EBF2: variants seen among roughly 807,000 people sequenced by gnomAD.
The protein encoded by EBF2 is EBF transcription factor 2.
A neutral mutation model predicts 72.8 loss-of-function variants in EBF2; 21 were observed. The ratio of observed to expected loss-of-function variants is 0.29; its 90% CI spans 0.20 to 0.42. EBF2 has a LOEUF of 0.42. EBF2 is among the 10% of genes least tolerant of loss of function. The pLI is 1.00. For missense variants in EBF2, 637 were observed against 731.2 expected (o/e 0.87, Z 1.49); for synonymous variants, 299 against 274.2 (o/e 1.09, Z -0.89).
Position 26,016,803 on chromosome 8 carries a change from A to C in EBF2, c.551+16282T>G, listed in dbSNP as rs764024624. ...AAATAAACTGTCTCCTGAGTAATAA[A>C]GTCAAGACACTTGCCAGTAAAAATT... On this transcript the variant is annotated intron_variant, in intron 6 of 15. Transcript: ENST00000520164. Among the ~76,000 whole-genome samples, 18 of 152,204 alleles carry C rather than the reference A, an allele frequency of 1.2e-4. 1 individual carries two copies. Among genetic ancestry groups the C allele is most frequent in the Non-Finnish European group, 1.3e-4 (9 of 68,048 alleles).
chr8:25,925,322 A>C (rs1035056559), intron 6 of EBF2, among the ~76,000 whole-genome samples: 11 of 152,198 alleles, frequency 7.2e-5, no homozygotes, highest in Admixed American at 7.2e-4. Flanking sequence ...AGGAGCTGAG[A>C]GGGGTCATCA....
intron 10 of EBF2, among the ~76,000 whole-genome samples, chr8:25,873,118 G>A (rs891029875): frequency 6.6e-6 from 1 of 152,104 alleles, no homozygotes; most frequent in African/African-American, 2.4e-5. Flanking sequence ...CAAAGGCTAC[G>A]TTAAATTCAC....
At chr8:25,904,342 G>A (rs951129485) in intron 7 of EBF2, among the ~76,000 whole-genome samples, 1 of 151,690 alleles carries the variant, frequency 6.6e-6, no homozygotes, top group Admixed American at 6.6e-5. Flanking sequence ...ATTAAAGAGA[G>A]GATTGGTTCA....
At chr8:25,928,408 C>T (rs182212417) in intron 6 of EBF2, among the ~76,000 whole-genome samples, 101 of 152,184 alleles carry the variant, frequency 6.6e-4, no homozygotes, top group African/African-American at 2.4e-3. Context: ...TCCTCTTCTC[C>T]CCACGACCAT....
chr8:25,997,537 C>T (rs188715955), intron 6 of EBF2, among the ~76,000 whole-genome samples: 30 of 147,048 alleles, frequency 2.0e-4, no homozygotes, highest in African/African-American at 7.0e-4. Flanking sequence ...TACCACTGCA[C>T]TCTGGCTCTG....
At position 26,019,124 on chromosome 8, in the gene EBF2, T is replaced by C. The variant is rs904765202; in HGVS notation, c.551+13961A>G. 6.6e-5 allele frequency among the ~76,000 whole-genome samples: 10 copies of C among 152,280 alleles called. No homozygotes were observed. In the East Asian group the frequency reaches 1.9e-3, roughly 29 times the overall value. On this transcript the variant is annotated intron_variant, in intron 6 of 15. Transcript: ENST00000520164. Reference sequence around the variant, plus strand: ...CAGGCCAAGGTTTCTTAACTTTCCCTGGAATTATCCAATGTGCAACAAGTT... The same window carrying C: ...CAGGCCAAGGTTTCTTAACTTTCCCCGGAATTATCCAATGTGCAACAAGTT...
chr8:26,042,811 C>T (rs890018351), intron 1 of EBF2, among the ~76,000 whole-genome samples: 2 of 152,124 alleles, frequency 1.3e-5, no homozygotes, highest in African/African-American at 4.8e-5. Context: ...GTAAGAACCC[C>T]AAGGGGCAGG....
intron 6 of EBF2, among the ~76,000 whole-genome samples, chr8:25,971,836 A>T (rs1342949681): frequency 5.3e-5 from 8 of 152,180 alleles, no homozygotes; most frequent in African/African-American, 1.7e-4. Context: ...CAAAAAAACA[A>T]AAATAGGGCA....
rs1227452332 is a variant in EBF2, at chr8:25,842,294, G to T, written c.*2315C>A. Reference sequence around the variant, plus strand: ...TGTACAATTAAATAGCTCTGTTGCTGCCAGGGTTCTAGCTGAATGGTCAAG... The same window carrying T: ...TGTACAATTAAATAGCTCTGTTGCTTCCAGGGTTCTAGCTGAATGGTCAAG... On this transcript the variant is annotated 3_prime_UTR_variant, in exon 16 of 16. Transcript: ENST00000520164. 6.6e-6 allele frequency: 1 copy of T among 152,142 alleles called. No homozygotes were observed. Among genetic ancestry groups the T allele is most frequent in the Non-Finnish European group, 1.5e-5 (1 of 68,034 alleles). 9.4% of individuals were successfully genotyped at this position (152,142 alleles called of 1,614,324 possible). A position where few individuals can be genotyped will look rare whatever the true frequency, so the allele number is the denominator to read the frequency against.
At chr8:26,003,896 C>G (rs1461015536) in intron 6 of EBF2, among the ~76,000 whole-genome samples, 1 of 152,102 alleles carries the variant, frequency 6.6e-6, no homozygotes, top group Non-Finnish European at 1.5e-5. Flanking sequence ...CCAAAGTGCT[C>G]GCTCCTGCCA....
intron 6 of EBF2, among the ~76,000 whole-genome samples, chr8:26,006,130 T>C (rs1804877968): frequency 6.6e-6 from 1 of 152,156 alleles, no homozygotes; most frequent in South Asian, 2.1e-4. Context: ...AGAAAGCTGA[T>C]CCAGGTGATC....
chr8:25,892,762 A>G (rs996956898), intron 7 of EBF2, among the ~76,000 whole-genome samples: 2 of 152,216 alleles, frequency 1.3e-5, no homozygotes, highest in African/African-American at 4.8e-5. Flanking sequence ...CAGATAATTC[A>G]CTGTGTTTCT....
At chr8:25,863,746 A>T (rs57884024) in intron 10 of EBF2, among the ~76,000 whole-genome samples, 4,782 of 152,192 alleles carry the variant, frequency 0.031, 251 homozygotes, top group African/African-American at 0.11. Flanking sequence ...CTTGTAAAAA[A>T]CTATTACAAA....
intron 9 of EBF2, among the ~76,000 whole-genome samples, chr8:25,887,631 T>A (rs1021494493): frequency 6.6e-6 from 1 of 152,168 alleles, no homozygotes; most frequent in African/African-American, 2.4e-5. Flanking sequence ...TTTTTAACGG[T>A]GGAGTGACAT....
intron 6 of EBF2, among the ~76,000 whole-genome samples, chr8:25,924,838 T>G (rs867299005): frequency 2.7e-4 from 41 of 152,306 alleles, no homozygotes; most frequent in Admixed American, 5.9e-4. Context: ...TTCTGTACCT[T>G]TAACATACAT....
At chr8:25,931,316 A>G (rs1320099667) in intron 6 of EBF2, among the ~76,000 whole-genome samples, 1 of 152,212 alleles carries the variant, frequency 6.6e-6, no homozygotes, top group Non-Finnish European at 1.5e-5. Context: ...AAAATTTAAT[A>G]TTAATATAAG....
At chr8:25,944,365 G>A (rs1192342400) in intron 6 of EBF2, among the ~76,000 whole-genome samples, 1 of 152,022 alleles carries the variant, frequency 6.6e-6, no homozygotes, top group Non-Finnish European at 1.5e-5. Flanking sequence ...GTCTTGCCTG[G>A]TGAGCCAGCT....
chr8:26,045,018 G>T lies in EBF2; in HGVS notation c.-159C>A, dbSNP rs1805680065. The T allele has an allele frequency of 1.0e-5, 8 of 784,540 alleles. No individual in the cohort carries two copies. The highest frequency in any genetic ancestry group is 1.8e-5 in the African/African-American group (1 of 57,068). The allele number at this position is 784,540 out of a possible 1,614,324, so 48.6% of individuals were successfully genotyped here. On this transcript the variant is annotated 5_prime_UTR_variant, in exon 1 of 16. Coordinates refer to ENST00000520164, the MANE Select transcript of EBF2 (RefSeq NM_022659.4). ...CTTAGAAAAAAAAAAAAGATAACCC[G>T]TCCTTTGCTTCACTGGCGAGGTGCG... is the stretch of plus-strand genomic sequence containing the variant.
At chr8:25,945,087 T>G (rs1803743422) in intron 6 of EBF2, among the ~76,000 whole-genome samples, 1 of 31,662 alleles carries the variant, frequency 3.2e-5, no homozygotes, top group Non-Finnish European at 7.2e-5. Context: ...ATTGTTCTGT[T>G]GCCCCCCCCG....
Sources: allele counts gnomAD v4.1 joint callset (sites outside exome capture counted in the v4.1 genomes callset), GRCh38; gene constraint gnomAD v4.1.1; transcripts MANE v1.5; gene names NCBI Gene and HGNC (gene_info 2026-07-23, HGNC 2026-07-21).